KCTD16: variants seen among roughly 807,000 people sequenced by gnomAD.
KCTD16 encodes the protein potassium channel tetramerization domain containing 16, also known as BTB/POZ domain-containing protein KCTD16.
KCTD16 carries 13 observed loss-of-function variants against 33.2 expected under a neutral mutation model. The observed-to-expected ratio is 0.39, with a 90% confidence interval of 0.25 to 0.62. The LOEUF (loss-of-function observed/expected upper bound fraction) is 0.62, where lower values mean the gene tolerates loss of function less well. Ranked by LOEUF, KCTD16 falls within the 20% of genes least tolerant of loss-of-function variation. The probability of loss-of-function intolerance (pLI) is 0.50; values close to 1 mark genes in which losing one functional copy is unlikely to be tolerated. For missense variants in KCTD16, 441 were observed against 525.1 expected (o/e 0.84, Z 1.57); for synonymous variants, 197 against 195.3 (o/e 1.01, Z -0.07).
Position 144,474,311 on chromosome 5 carries a change from T to C in KCTD16, c.*197T>C. ...TCCACAGGGTAGATTTCTTTCTAGA[T>C]GTGGAAGTACAAGAAAATCTTTTTT... On this transcript the variant is annotated 3_prime_UTR_variant, in exon 4 of 4. Coordinates refer to ENST00000512467, the MANE Select transcript of KCTD16 (RefSeq NM_020768.4). 1 of 544,876 alleles carries C rather than the reference T, an allele frequency of 1.8e-6. No individual in the cohort carries two copies. The highest frequency in any genetic ancestry group is 3.2e-6 in the Non-Finnish European group (1 of 311,154). 33.8% of individuals were successfully genotyped at this position (544,876 alleles called of 1,614,324 possible).
rs530074833 is a variant in KCTD16 at position 144,173,993 on chromosome 5, G to A, written c.-492-314G>A. ...GACTGGAGTACTTGGTAAATGTGCC[G>A]TCCTCTGTTAAAGTCACCCAGCTGG... On this transcript the variant is annotated intron_variant, in intron 1 of 3. Transcript: ENST00000512467. Among the ~76,000 whole-genome samples, 27 of 151,204 alleles carry A rather than the reference G, an allele frequency of 1.8e-4. No individual in the cohort carries two copies. In the South Asian group the frequency reaches 5.0e-3, roughly 28 times the overall value.
chr5:144,316,605 C>G (rs968480099), intron 3 of KCTD16, among the ~76,000 whole-genome samples: 1 of 150,560 alleles, frequency 6.6e-6, no homozygotes, highest in Non-Finnish European at 1.5e-5. Context: ...CTCCACCTCC[C>G]GGGTTCAAGT....
At chr5:144,319,724 T>A (rs941537219) in intron 3 of KCTD16, among the ~76,000 whole-genome samples, 12 of 152,168 alleles carry the variant, frequency 7.9e-5, no homozygotes, top group African/African-American at 2.9e-4. Context: ...CCATAGTCTT[T>A]CTAGAATAAG....
intron 3 of KCTD16, among the ~76,000 whole-genome samples, chr5:144,415,846 C>G (rs1040642655): frequency 1.3e-5 from 2 of 152,160 alleles, no homozygotes; most frequent in Non-Finnish European, 2.9e-5. Flanking sequence ...CTGGAAGCTG[C>G]TAATTCCATG....
At chr5:144,435,876 A>G (rs953286389) in intron 3 of KCTD16, among the ~76,000 whole-genome samples, 11 of 150,982 alleles carry the variant, frequency 7.3e-5, no homozygotes, top group African/African-American at 2.7e-4. Flanking sequence ...TTCTGATGCC[A>G]TTCTCCAAGA....
intron 3 of KCTD16, among the ~76,000 whole-genome samples, chr5:144,271,817 C>T (rs911680673): frequency 2.1e-5 from 2 of 93,136 alleles, no homozygotes; most frequent in African/African-American, 6.3e-5. Context: ...TGAACTTAGA[C>T]AGCAGGATAC....
intron 3 of KCTD16, among the ~76,000 whole-genome samples, chr5:144,409,558 A>G (rs1752885406): frequency 6.6e-6 from 1 of 151,994 alleles, no homozygotes; most frequent in South Asian, 2.1e-4. Context: ...GAAGACAGCA[A>G]TGAAAACAGG....
intron 3 of KCTD16, among the ~76,000 whole-genome samples, chr5:144,236,393 G>T (rs1224671558): frequency 6.6e-6 from 1 of 152,068 alleles, no homozygotes; most frequent in Non-Finnish European, 1.5e-5. Context: ...GCATATGCAG[G>T]GGCATGGAAC....
At chr5:144,406,608 G>A (rs111495529) in intron 3 of KCTD16, among the ~76,000 whole-genome samples, 2,328 of 152,184 alleles carry the variant, frequency 0.015, 55 homozygotes, top group African/African-American at 0.053. Flanking sequence ...ATCTCATTTC[G>A]TAATAACATT....
intron 3 of KCTD16, among the ~76,000 whole-genome samples, chr5:144,350,008 A>G (rs1752906082): frequency 6.6e-6 from 1 of 152,190 alleles, no homozygotes; most frequent in African/African-American, 2.4e-5. Flanking sequence ...CAAATTCTGC[A>G]CATTTTATTA....
intron 2 of KCTD16, among the ~76,000 whole-genome samples, chr5:144,179,946 C>T (rs1253310164): frequency 1.3e-5 from 2 of 152,190 alleles, no homozygotes; most frequent in Admixed American, 6.5e-5. Context: ...TAGTTCTACT[C>T]GCCCATTTTC....
In KCTD16 at chr5:144,449,808, G is replaced by A. The variant is rs145047319; in HGVS notation, c.833-23852G>A. Among the ~76,000 whole-genome samples the A allele has an allele frequency of 3.9e-5, 6 of 151,958 alleles. No individual in the cohort carries two copies. The East Asian group carries it at 1.2e-3, about 29-fold the overall frequency. ...CATAGACAAAAAATCAACTTAAAGT[G>A]GACTATACTTAAACATAAGATCTGA... On this transcript the variant is annotated intron_variant, in intron 3 of 3. Transcript: ENST00000512467.
intron 2 of KCTD16, among the ~76,000 whole-genome samples, chr5:144,186,570 C>T (rs546508006): frequency 1.3e-5 from 2 of 152,092 alleles, no homozygotes; most frequent in Non-Finnish European, 2.9e-5. Flanking sequence ...AGCTCTCTCA[C>T]CTCTTAAAAG....
intron 3 of KCTD16, chr5:144,439,453 T>C: frequency 3.4e-6 from 1 of 291,304 alleles, no homozygotes; most frequent in Non-Finnish European, 6.7e-6. Flanking sequence ...CAGTGCCCGC[T>C]ACCCAAGAAG....
intron 3 of KCTD16, among the ~76,000 whole-genome samples, chr5:144,296,505 G>A (rs1169656604): frequency 1.3e-5 from 2 of 152,070 alleles, no homozygotes; most frequent in Non-Finnish European, 2.9e-5. Context: ...AGAAAAGTAA[G>A]AATGTTCTAT....
rs558744196 is a variant in KCTD16 at position 144,442,711 on chromosome 5, C to A, written c.833-30949C>A. 2.6e-5 allele frequency among the ~76,000 whole-genome samples: 4 copies of A among 152,106 alleles called. No individual in the cohort carries two copies. In the South Asian group the frequency reaches 8.3e-4, roughly 32 times the overall value. Reference sequence around the variant, plus strand: ...AAGATCTCCATTGTTTTTGACAACACTCTTAGGTATCAAACTCTCCACTCT... The same window carrying A: ...AAGATCTCCATTGTTTTTGACAACAATCTTAGGTATCAAACTCTCCACTCT... On this transcript the variant is annotated intron_variant, in intron 3 of 3. Transcript: ENST00000512467.
intron 3 of KCTD16, among the ~76,000 whole-genome samples, chr5:144,350,829 T>C (rs1751410175): frequency 6.6e-6 from 1 of 152,094 alleles, no homozygotes; most frequent in African/African-American, 2.4e-5. Context: ...GTGATTATTA[T>C]TGATCTTCTC....
chr5:144,295,038 C>G (rs1755997663), intron 3 of KCTD16, among the ~76,000 whole-genome samples: 1 of 152,130 alleles, frequency 6.6e-6, no homozygotes, highest in Non-Finnish European at 1.5e-5. Flanking sequence ...ATGTAAACTG[C>G]TGGGGATAGG....
chr5:144,299,108 A>ATATATATG, intron 3 of KCTD16, among the ~76,000 whole-genome samples: 1 of 10,512 alleles, frequency 9.5e-5, no homozygotes, highest in African/African-American at 7.4e-4. Context: ...ATATATATAT[A>ATATATATG]TATATATATA....
Sources: allele counts gnomAD v4.1 joint callset (sites outside exome capture counted in the v4.1 genomes callset), GRCh38; gene constraint gnomAD v4.1.1; transcripts MANE v1.5; gene names NCBI Gene and HGNC (gene_info 2026-07-23, HGNC 2026-07-21).